Variants in WDFY1 observed in about 807,000 individuals in gnomAD.
The protein encoded by WDFY1 is WD repeat and FYVE domain-containing protein 1.
A neutral mutation model predicts 56.4 loss-of-function variants in WDFY1; 32 were observed. The ratio of observed to expected loss-of-function variants is 0.57; its 90% CI spans 0.43 to 0.76. The LOEUF (loss-of-function observed/expected upper bound fraction) is 0.76, where lower values mean the gene tolerates loss of function less well. Among genes scored for constraint, WDFY1 ranks in the 30% least tolerant of loss-of-function variants. WDFY1 has a pLI of 0.00. For missense variants in WDFY1, 480 were observed against 545.7 expected, an observed-to-expected ratio of 0.88 and a Z score of 1.20; for synonymous variants, 192 against 197.3, an observed-to-expected ratio of 0.97 and a Z score of 0.23.
chr2:223,945,250 C>G lies in WDFY1; in HGVS notation c.35G>C (p.Ser12Thr). Residue 12 changes from serine to threonine, a missense_variant, in exon 1 of 12, where the codon AGC becomes ACC. Physicochemically the swap from Ser to Thr is moderately conservative, Grantham distance 58. Transcript: ENST00000233055. ...AAEIHSRPQSSRPVLLSKIEG... is the reference protein window; with the variant it reads ...AAEIHSRPQSTRPVLLSKIEG... ...GATCTTGCTCAGCAGCACCGGGCGG[C>G]TGCTCTGCGGCCTGGAGTGGATTTC... 1 of 1,589,274 alleles carries G rather than the reference C, an allele frequency of 6.3e-7. No homozygotes were observed. The highest frequency in any genetic ancestry group is 8.5e-7 in the Non-Finnish European group (1 of 1,172,344).
chr2:223,919,356 G>C (rs144354198), intron 1 of WDFY1, among the ~76,000 whole-genome samples: 1 of 152,104 alleles, frequency 6.6e-6, no homozygotes, highest in Non-Finnish European at 1.5e-5. Context: ...GATTACAGGC[G>C]CACGCCACCA....
chr2:223,929,989 G>T (rs919782571), intron 1 of WDFY1, among the ~76,000 whole-genome samples: 15 of 152,224 alleles, frequency 9.9e-5, no homozygotes, highest in African/African-American at 3.4e-4. Context: ...CTCCAAAGCA[G>T]TAATTCCTAA....
rs1380031159 is a variant in WDFY1 at position 223,893,540 on chromosome 2, A to AG, written c.831+693_831+694insC. On this transcript the variant is annotated intron_variant, in intron 8 of 11. Transcript: ENST00000233055. ...GCAAGACCCTGTCTCAAAAAAAAAA[A>AG]AGAGAGAGAGAGATTGTTTAGACAA... Among the ~76,000 whole-genome samples the AG allele has an allele frequency of 5.9e-5, 9 of 151,954 alleles. No individual in the cohort carries two copies. The East Asian group carries it at 1.7e-3, about 29-fold the overall frequency.
intron 2 of WDFY1, among the ~76,000 whole-genome samples, chr2:223,913,942 G>A (rs1231754460): frequency 3.3e-5 from 5 of 151,648 alleles, no homozygotes; most frequent in Admixed American, 6.6e-5. Context: ...AATGTAGAAG[G>A]GGAGGGGTTG....
chr2:223,924,018 A>G (rs1231036039), intron 1 of WDFY1, among the ~76,000 whole-genome samples: 1 of 152,162 alleles, frequency 6.6e-6, no homozygotes, highest in Non-Finnish European at 1.5e-5. Context: ...CCAGGACCAC[A>G]TCAATCTGGG....
chr2:223,888,634 T>G (rs371804484), intron 8 of WDFY1, among the ~76,000 whole-genome samples: 2 of 144,024 alleles, frequency 1.4e-5, no homozygotes. Context: ...TTGCCCAGGC[T>G]GGAGTGCGTT....
chr2:223,883,908 A>G (rs553349029), intron 9 of WDFY1, among the ~76,000 whole-genome samples: 23 of 152,296 alleles, frequency 1.5e-4, no homozygotes, highest in African/African-American at 5.3e-4. Context: ...GGCCTCCCAA[A>G]GTGCAGGGAT....
chr2:223,922,754 T>C (rs1464851335), intron 1 of WDFY1, among the ~76,000 whole-genome samples: 3 of 152,202 alleles, frequency 2.0e-5, no homozygotes, highest in Admixed American at 2.0e-4. Flanking sequence ...ATCAGAGAAC[T>C]CTGCTGGGAG....
At chr2:223,934,741 C>T (rs1694140861) in intron 1 of WDFY1, among the ~76,000 whole-genome samples, 1 of 151,530 alleles carries the variant, frequency 6.6e-6, no homozygotes, top group African/African-American at 2.4e-5. Flanking sequence ...GGCTGGTCTC[C>T]AACTCCTGAC....
chr2:223,942,289 G>C (rs1689318690), intron 1 of WDFY1, among the ~76,000 whole-genome samples: 1 of 150,538 alleles, frequency 6.6e-6, no homozygotes. Context: ...GCACAATCTT[G>C]GCTCACTGCA....
intron 1 of WDFY1, among the ~76,000 whole-genome samples, chr2:223,937,152 A>T (rs368517769): frequency 6.6e-6 from 1 of 152,246 alleles, no homozygotes; most frequent in South Asian, 2.1e-4. Context: ...CAAATATGGA[A>T]ATAAAGAAAA....
At chr2:223,904,333 C>A (rs535084907) in intron 4 of WDFY1, among the ~76,000 whole-genome samples, 1 of 152,306 alleles carries the variant, frequency 6.6e-6, no homozygotes. Context: ...TTCCCTGCAA[C>A]CTCCGCCTCC....
chr2:223,929,197 T>G (rs1055942282), intron 1 of WDFY1, among the ~76,000 whole-genome samples: 1 of 139,784 alleles, frequency 7.2e-6, no homozygotes, highest in African/African-American at 2.5e-5. Context: ...TTGTTTTTTT[T>G]TTTTTTTGAG....
intron 1 of WDFY1, among the ~76,000 whole-genome samples, chr2:223,936,974 G>A (rs545568210): frequency 1.3e-5 from 2 of 152,324 alleles, no homozygotes; most frequent in African/African-American, 4.8e-5. Context: ...TTCACCCCAT[G>A]TGCTGATTTT....
rs372629992 is a variant in WDFY1 at position 223,890,996 on chromosome 2, G to T, written c.831+3238C>A. On this transcript the variant is annotated intron_variant, in intron 8 of 11. Transcript: ENST00000233055. Reference sequence around the variant, plus strand: ...TAAATGCTCCAGTTAGTATTGACAGGGGACTTGGAGAGAAATTCCAGGCAA... The same window carrying T: ...TAAATGCTCCAGTTAGTATTGACAGTGGACTTGGAGAGAAATTCCAGGCAA... Among the ~76,000 whole-genome samples, 17 of 152,138 alleles carry T rather than the reference G, an allele frequency of 1.1e-4. No individual in the cohort carries two copies. The East Asian group carries it at 3.3e-3, about 29-fold the overall frequency.
intron 1 of WDFY1, among the ~76,000 whole-genome samples, chr2:223,929,260 T>C (rs1434764505): frequency 1.3e-5 from 2 of 149,708 alleles, no homozygotes; most frequent in African/African-American, 4.9e-5. Flanking sequence ...AGATCTCTTC[T>C]CACTGCAACC....
At chr2:223,891,585 A>T (rs573039179) in intron 8 of WDFY1, among the ~76,000 whole-genome samples, 4 of 152,168 alleles carry the variant, frequency 2.6e-5, no homozygotes, top group Non-Finnish European at 2.9e-5. Flanking sequence ...AAATGCCTTG[A>T]TTGATGGGAC....
chr2:223,883,963 C>G, intron 9 of WDFY1, among the ~76,000 whole-genome samples: 1 of 151,888 alleles, frequency 6.6e-6, no homozygotes, highest in Non-Finnish European at 1.5e-5. Context: ...TTTATTAACA[C>G]ATACAAACTT....
At chr2:223,893,488 C>G (rs909234855) in intron 8 of WDFY1, among the ~76,000 whole-genome samples, 2 of 151,810 alleles carry the variant, frequency 1.3e-5, no homozygotes, top group African/African-American at 2.4e-5. Flanking sequence ...CAAGATCATG[C>G]CACTGCACTC....
Sources: allele counts gnomAD v4.1 joint callset (sites outside exome capture counted in the v4.1 genomes callset), GRCh38; gene constraint gnomAD v4.1.1; transcripts MANE v1.5; gene names NCBI Gene and HGNC (gene_info 2026-07-23, HGNC 2026-07-21).